Variants in CENPK observed in about 807,000 individuals in gnomAD.
The protein encoded by CENPK is SoxLZ/Sox6-binding protein Solt.
Under a neutral mutation model 40.9 loss-of-function variants are expected in CENPK, and 46 were observed. The observed-to-expected ratio is 1.13, with a 90% CI of 0.89 to 1.44. The LOEUF (loss-of-function observed/expected upper bound fraction) is 1.44, where lower values mean the gene tolerates loss of function less well. Ranked by LOEUF, CENPK falls within the 40% of genes most tolerant of loss-of-function variation. The pLI is 0.00. For missense variants in CENPK, 288 were observed against 303.5 expected (o/e 0.95, Z 0.38); for synonymous variants, 107 against 104.4 (o/e 1.02, Z -0.15).
Position 65,554,844 on chromosome 5 carries a change from C to T in CENPK, c.64G>A (p.Glu22Lys). Reference sequence around the variant, plus strand: ...TCTTCACATTCTCTAATAAGTTCTTCTTCAGTATTTGTAACATCTCCCACA... The same window carrying T: ...TCTTCACATTCTCTAATAAGTTCTTTTTCAGTATTTGTAACATCTCCCACA... ...TDVGDVTNTE[E>K]ELIRECEEMW... Residue 22 changes from glutamate to lysine, a missense_variant, in exon 3 of 11, where the codon GAA becomes AAA. Coordinates refer to ENST00000396679, the MANE Select transcript of CENPK (RefSeq NM_022145.5). The T allele has an allele frequency of 6.2e-7, 1 of 1,605,022 alleles. No individual in the cohort carries two copies. Among genetic ancestry groups the T allele is most frequent in the Non-Finnish European group, 8.5e-7 (1 of 1,172,036 alleles).
intron 5 of CENPK, among the ~76,000 whole-genome samples, chr5:65,545,453 A>C (rs62369010): frequency 0.074 from 11,231 of 152,002 alleles, 423 homozygotes; most frequent in East Asian, 0.095. Context: ...GGCAGAGGTA[A>C]GTGGCACATT....
chr5:65,515,204 A>AATTTTTTTTTTTTT (rs35708852), downstream of CENPK, among the ~76,000 whole-genome samples: 392 of 124,002 alleles, frequency 3.2e-3, 21 homozygotes, highest in African/African-American at 8.0e-3. Flanking sequence ...TCTCAAAAAA[A>AATTTTTTTTTTTTT]TTTTTTTTTT....
the CENPK span, among the ~76,000 whole-genome samples, chr5:65,502,124 G>A: frequency 1.3e-5 from 2 of 152,156 alleles, no homozygotes; most frequent in African/African-American, 4.8e-5. Context: ...TTTGGACAGG[G>A]GTGGTGGTAG....
chr5:65,553,833 A>G (rs1158283451), intron 3 of CENPK, among the ~76,000 whole-genome samples: 1 of 152,208 alleles, frequency 6.6e-6, no homozygotes, highest in Non-Finnish European at 1.5e-5. Context: ...ACTCTTCTGC[A>G]TTCTATTTTC....
the CENPK span, among the ~76,000 whole-genome samples, chr5:65,505,716 C>T: frequency 6.6e-6 from 1 of 152,226 alleles, no homozygotes; most frequent in East Asian, 1.9e-4. Context: ...GCACAGCATT[C>T]AGTGTACATG....
At chr5:65,526,817 G>T (rs977544726) in intron 9 of CENPK, among the ~76,000 whole-genome samples, 5 of 152,132 alleles carry the variant, frequency 3.3e-5, no homozygotes, top group Non-Finnish European at 7.4e-5. Flanking sequence ...AATAGGTCAG[G>T]TGTGGTGGTT....
At chr5:65,542,869 A>G (rs755014648) in intron 5 of CENPK, 21 bp from the exon 6 acceptor site, 2 of 1,593,150 alleles carry the variant, frequency 1.3e-6, no homozygotes, top group South Asian at 2.3e-5. Flanking sequence ...AAAACAAAAC[A>G]AAGTTACACA....
chr5:65,496,575 CT>C, the CENPK span, among the ~76,000 whole-genome samples: 1 of 151,944 alleles, frequency 6.6e-6, no homozygotes, highest in Non-Finnish European at 1.5e-5. Context: ...TACGTAAACA[CT>C]TTACTTCATA....
chr5:65,556,728 T>G (rs1751036968), intron 2 of CENPK, among the ~76,000 whole-genome samples: 1 of 152,214 alleles, frequency 6.6e-6, no homozygotes, highest in African/African-American at 2.4e-5. Flanking sequence ...TTCTCACAAC[T>G]CACTGACTCA....
At chr5:65,534,766 C>CT (rs1746573272) in intron 6 of CENPK, among the ~76,000 whole-genome samples, 1 of 152,132 alleles carries the variant, frequency 6.6e-6, no homozygotes, top group African/African-American at 2.4e-5. Flanking sequence ...ATACTGAAAC[C>CT]TAAAACTTAA....
At chr5:65,551,696 A>C in intron 4 of CENPK, 60 bp from the exon 5 acceptor site, 1 of 935,074 alleles carries the variant, frequency 1.1e-6, no homozygotes, top group Non-Finnish European at 1.6e-6. Flanking sequence ...TCATAGATGA[A>C]AATATAAACA....
At chr5:65,554,657 T>C (rs1210370164) in intron 3 of CENPK, 140 bp downstream of exon 3, 2 of 594,608 alleles carry the variant, frequency 3.4e-6, no homozygotes, top group Middle Eastern at 4.6e-4. Context: ...TGAATGCTGA[T>C]AGGTCTAAAA....
chr5:65,551,999 G>A (rs1229685511), intron 4 of CENPK, among the ~76,000 whole-genome samples: 6 of 130,154 alleles, frequency 4.6e-5, no homozygotes, highest in East Asian at 2.2e-4. Context: ...TTACTCTTTC[G>A]CCCAGGCTGG....
chr5:65,548,326 T>G (rs1398290470), intron 5 of CENPK, among the ~76,000 whole-genome samples: 3 of 152,232 alleles, frequency 2.0e-5, no homozygotes, highest in Non-Finnish European at 2.9e-5. Context: ...AAAACCTTAT[T>G]GCTAAAAATT....
chr5:65,511,035 T>C, the CENPK span, among the ~76,000 whole-genome samples: 1 of 152,162 alleles, frequency 6.6e-6, no homozygotes, highest in Admixed American at 6.5e-5. Context: ...CTCTTCTTTA[T>C]AAATTACCCA....
At chr5:65,531,578 A>G (rs1745854134) in intron 6 of CENPK, among the ~76,000 whole-genome samples, 1 of 151,188 alleles carries the variant, frequency 6.6e-6, no homozygotes, top group Non-Finnish European at 1.5e-5. Context: ...ATCTCGGCTC[A>G]CTGCAACCTC....
chr5:65,562,196 T>C (rs1252195918), intron 1 of CENPK, among the ~76,000 whole-genome samples: 1 of 152,168 alleles, frequency 6.6e-6, no homozygotes, highest in Non-Finnish European at 1.5e-5. Context: ...ATTATTGCAT[T>C]GGTCTCTGAA....
At chr5:65,520,965 A>G (rs1384719100) in intron 10 of CENPK, among the ~76,000 whole-genome samples, 2 of 152,190 alleles carry the variant, frequency 1.3e-5, no homozygotes, top group Non-Finnish European at 2.9e-5. Flanking sequence ...GTATATGTCA[A>G]ATCAGAGAAA....
At chr5:65,532,975 A>G (rs1010467439) in intron 6 of CENPK, among the ~76,000 whole-genome samples, 1 of 151,846 alleles carries the variant, frequency 6.6e-6, no homozygotes, top group Non-Finnish European at 1.5e-5. Flanking sequence ...CACCATATCA[A>G]TAGATTTAAA....
Sources: gnomAD v4.1 joint callset for allele counts (sites outside exome capture counted in the v4.1 genomes callset) on GRCh38, gnomAD v4.1.1 for gene constraint, MANE v1.5 for transcripts, NCBI Gene and HGNC (gene_info 2026-07-23, HGNC 2026-07-21) for gene names.